RPS6KC1: variants seen among roughly 807,000 people sequenced by gnomAD.
RPS6KC1 encodes ribosomal protein S6 kinase C1, also known as inactive ribosomal protein S6 kinase delta-1.
Under a neutral mutation model 103.8 loss-of-function variants are expected in RPS6KC1, and 54 were observed. The ratio of observed to expected loss-of-function variants is 0.52; its 90% CI spans 0.42 to 0.65. The LOEUF (loss-of-function observed/expected upper bound fraction) is 0.65. Among genes scored for constraint, RPS6KC1 ranks in the 30% least tolerant of loss-of-function variants. The pLI is 0.00. For synonymous variants in RPS6KC1, 439 were observed against 438.7 expected (o/e 1.00, Z -0.01); for missense variants, 1,151 against 1,253.8 (o/e 0.92, Z 1.24).
At chr1:213,770,965 C>T in the RPS6KC1 span, among the ~76,000 whole-genome samples, 1 of 152,232 alleles carries the variant, frequency 6.6e-6, no homozygotes, top group South Asian at 2.1e-4. Context: ...AATGGACACA[C>T]ACTTTGTATC....
At chr1:213,460,176 G>T in the RPS6KC1 span, among the ~76,000 whole-genome samples, 26 of 152,158 alleles carry the variant, frequency 1.7e-4, no homozygotes, top group South Asian at 4.8e-3. Flanking sequence ...ATTGACAGTG[G>T]GGTGTTAAAA....
At chr1:213,056,841 TG>T in intron 1 of RPS6KC1, among the ~76,000 whole-genome samples, 1 of 151,874 alleles carries the variant, frequency 6.6e-6, no homozygotes, top group South Asian at 2.1e-4. Flanking sequence ...AGCTATACCC[TG>T]TGTTCCGGGA....
the RPS6KC1 span, among the ~76,000 whole-genome samples, chr1:213,605,363 A>C: frequency 6.6e-6 from 1 of 152,358 alleles, no homozygotes. Context: ...AAGTTTTGGA[A>C]TCAGGACACT....
chr1:213,528,169 A>C, the RPS6KC1 span, among the ~76,000 whole-genome samples: 1 of 152,188 alleles, frequency 6.6e-6, no homozygotes, highest in Non-Finnish European at 1.5e-5. Flanking sequence ...GTAATTTATA[A>C]AGGGAAGAGG....
At chr1:213,477,484 A>G in the RPS6KC1 span, among the ~76,000 whole-genome samples, 2 of 152,074 alleles carry the variant, frequency 1.3e-5, no homozygotes, top group Non-Finnish European at 2.9e-5. Flanking sequence ...AGGTTTTAGA[A>G]GTGTAAATGT....
At chr1:213,235,993 G>A (rs2094212100) in intron 10 of RPS6KC1, among the ~76,000 whole-genome samples, 1 of 152,182 alleles carries the variant, frequency 6.6e-6, no homozygotes, top group South Asian at 2.1e-4. Context: ...ACCTGGAGGT[G>A]AGTGGCGGAC....
the RPS6KC1 span, among the ~76,000 whole-genome samples, chr1:213,654,395 A>G: frequency 6.6e-6 from 1 of 152,242 alleles, no homozygotes; most frequent in Admixed American, 6.5e-5. Context: ...GCAATAAACT[A>G]TATTCATATC....
the RPS6KC1 span, among the ~76,000 whole-genome samples, chr1:213,804,342 T>C: frequency 1.3e-5 from 2 of 152,140 alleles, no homozygotes; most frequent in African/African-American, 4.8e-5. Context: ...ACTTATTTCA[T>C]TCACTCATTA....
At chr1:213,819,945 G>C in the RPS6KC1 span, 1 of 152,136 alleles carries the variant, frequency 6.6e-6, no homozygotes. Flanking sequence ...CTTGGGGTGG[G>C]GGTGTTGGCA....
At chr1:213,509,457 T>G in the RPS6KC1 span, among the ~76,000 whole-genome samples, 2 of 152,224 alleles carry the variant, frequency 1.3e-5, no homozygotes, top group African/African-American at 4.8e-5. Context: ...TCGTTCAATT[T>G]TCAAAATAAT....
At chr1:213,418,654 T>C in the RPS6KC1 span, among the ~76,000 whole-genome samples, 1 of 152,216 alleles carries the variant, frequency 6.6e-6, no homozygotes, top group African/African-American at 2.4e-5. Flanking sequence ...GAGGACTCTC[T>C]TCCCCAGTAC....
the RPS6KC1 span, among the ~76,000 whole-genome samples, chr1:213,587,502 A>C: frequency 6.6e-6 from 1 of 152,144 alleles, no homozygotes; most frequent in African/African-American, 2.4e-5. Flanking sequence ...GCTATCATCC[A>C]TATCTGCAGA....
chr1:213,219,430 C>G (rs2093763428), intron 8 of RPS6KC1, among the ~76,000 whole-genome samples: 1 of 152,176 alleles, frequency 6.6e-6, no homozygotes, highest in South Asian at 2.1e-4. Context: ...ACTGGTTCAA[C>G]CATTGTGGAA....
chr1:213,389,215 T>C, the RPS6KC1 span, among the ~76,000 whole-genome samples: 1 of 152,044 alleles, frequency 6.6e-6, no homozygotes, highest in African/African-American at 2.4e-5. Context: ...CAACAGCTGG[T>C]CTCAGTCCAA....
At chr1:213,221,315 C>T (rs1055493433) in intron 8 of RPS6KC1, among the ~76,000 whole-genome samples, 1 of 151,988 alleles carries the variant, frequency 6.6e-6, no homozygotes, top group Non-Finnish European at 1.5e-5. Context: ...TTTCCATAGG[C>T]GAACTGATGC....
At chr1:213,281,151 T>C in the RPS6KC1 span, among the ~76,000 whole-genome samples, 1 of 152,116 alleles carries the variant, frequency 6.6e-6, no homozygotes. Context: ...CTCCAGCTGG[T>C]AAATGACCTT....
chr1:213,608,048 A>G, the RPS6KC1 span, among the ~76,000 whole-genome samples: 3 of 152,216 alleles, frequency 2.0e-5, no homozygotes, highest in Non-Finnish European at 2.9e-5. Flanking sequence ...AGTCACATGC[A>G]GGACATGTTG....
chr1:213,503,265 T>C, the RPS6KC1 span, among the ~76,000 whole-genome samples: 1 of 152,220 alleles, frequency 6.6e-6, no homozygotes, highest in Admixed American at 6.5e-5. Flanking sequence ...GTTTCCTCAA[T>C]TTGAATTCCT....
chr1:213,565,394 T>A, the RPS6KC1 span, among the ~76,000 whole-genome samples: 4 of 152,190 alleles, frequency 2.6e-5, no homozygotes, highest in Non-Finnish European at 4.4e-5. Context: ...GATGAATAAA[T>A]TGGTATGCTC....
Sources: allele counts gnomAD v4.1 joint callset (sites outside exome capture counted in the v4.1 genomes callset), GRCh38; gene constraint gnomAD v4.1.1; transcripts MANE v1.5; gene names NCBI Gene and HGNC (gene_info 2026-07-23, HGNC 2026-07-21).